The following SPIN1 variants were observed in gnomAD, a reference collection of about 807,000 sequenced individuals.
SPIN1 encodes the protein spindlin-1.
A neutral mutation model predicts 26.0 loss-of-function variants in SPIN1; 3 were observed. The observed-to-expected ratio is 0.12, with a 90% CI of 0.05 to 0.30. The LOEUF (loss-of-function observed/expected upper bound fraction) is 0.30, where lower values mean the gene tolerates loss of function less well. SPIN1 is among the 10% of genes least tolerant of loss of function. The pLI is 1.00. For missense variants in SPIN1, 126 were observed against 333.4 expected, an observed-to-expected ratio of 0.38 and a Z score of 4.84; for synonymous variants, 101 against 116.5, an observed-to-expected ratio of 0.87 and a Z score of 0.86.
intron 2 of SPIN1, among the ~76,000 whole-genome samples, chr9:88,433,193 C>T (rs1284081557): frequency 6.6e-6 from 1 of 152,308 alleles, no homozygotes; most frequent in Admixed American, 6.5e-5. Flanking sequence ...GATCCTCCCA[C>T]CTCAGCCTCC....
chr9:88,477,353 A>G lies in SPIN1; in HGVS notation c.*2076A>G, dbSNP rs945172304. 6.6e-5 allele frequency: 10 copies of G among 152,238 alleles called. No individual in the cohort carries two copies. Among genetic ancestry groups the G allele is most frequent in the East Asian group, 3.8e-4 (2 of 5,198 alleles). The allele number at this position is 152,238 out of a possible 1,614,324, so 9.4% of individuals were successfully genotyped here. On this transcript the variant is annotated 3_prime_UTR_variant, in exon 6 of 6. Transcript: ENST00000375859. The stretch of plus-strand genomic sequence containing the variant: ...TTGAAGTATCTTGAGGGTTGGGTCA[A>G]TTGAGACATTTCTAGCATTACTTAA...
chr9:88,468,239 C>G lies in SPIN1; in HGVS notation c.356-133C>G, dbSNP rs1031141993. The G allele has an allele frequency of 8.8e-6, 5 of 565,482 alleles. No homozygotes were observed. The African/African-American group carries it at 9.7e-5, about 11-fold the overall frequency. 35.0% of individuals were successfully genotyped at this position (565,482 alleles called of 1,614,324 possible). On this transcript the variant is annotated intron_variant, in intron 4 of 5. Coordinates refer to ENST00000375859, the MANE Select transcript of SPIN1 (RefSeq NM_006717.3). The stretch of plus-strand genomic sequence containing the variant: ...GGTTTTTGTACTTTTTAAAGCTTTC[C>G]CAGATTCTGATGCTTGCTAATACGT...
At chr9:88,413,260 G>T (rs151301479) in intron 1 of SPIN1, among the ~76,000 whole-genome samples, 2,927 of 151,428 alleles carry the variant, frequency 0.019, 67 homozygotes, top group African/African-American at 0.063. Context: ...ATTTCACCAT[G>T]TTGGCCAGGC....
At chr9:88,411,196 A>G (rs1252207845) in intron 1 of SPIN1, 11 of 1,283,466 alleles carry the variant, frequency 8.6e-6, no homozygotes, top group South Asian at 7.1e-5. Context: ...CTGTTGAGAC[A>G]GCTCTCTTTG....
At chr9:88,467,456 G>GGGC (rs1213970466) in intron 4 of SPIN1, among the ~76,000 whole-genome samples, 2 of 152,134 alleles carry the variant, frequency 1.3e-5, no homozygotes, top group Non-Finnish European at 2.9e-5. Context: ...GGGATTTGTG[G>GGGC]GGCTACCTTG....
chr9:88,408,388 T>C (rs1344658353), intron 1 of SPIN1, among the ~76,000 whole-genome samples: 6 of 146,932 alleles, frequency 4.1e-5, no homozygotes, highest in Non-Finnish European at 3.0e-5. Context: ...TTTTTTTTTT[T>C]TTTTTTTGAG....
At chr9:88,423,742 T>A (rs1163604413) in intron 1 of SPIN1, among the ~76,000 whole-genome samples, 5 of 148,270 alleles carry the variant, frequency 3.4e-5, no homozygotes, top group East Asian at 3.9e-4. Context: ...TTTTTTTTTT[T>A]AATAAAAAGC....
intron 3 of SPIN1, among the ~76,000 whole-genome samples, chr9:88,451,766 G>C (rs1338923261): frequency 6.6e-6 from 1 of 152,156 alleles, no homozygotes; most frequent in African/African-American, 2.4e-5. Context: ...TCACTGTGTT[G>C]GCCAGGCTGG....
At chr9:88,407,564 A>G (rs952992003) in intron 1 of SPIN1, among the ~76,000 whole-genome samples, 5 of 151,854 alleles carry the variant, frequency 3.3e-5, no homozygotes, top group Middle Eastern at 3.4e-3. Context: ...TAATCCCAGC[A>G]CTTTGGGAGG....
intron 1 of SPIN1, among the ~76,000 whole-genome samples, chr9:88,422,803 G>A (rs1324439356): frequency 6.6e-6 from 1 of 151,510 alleles, no homozygotes; most frequent in South Asian, 2.1e-4. Flanking sequence ...TCTGCCTCCC[G>A]GGTTCAGGCG....
At chr9:88,472,605 A>G (rs7036051) in intron 5 of SPIN1, among the ~76,000 whole-genome samples, 45,339 of 149,648 alleles carry the variant, frequency 0.3, 12,055 homozygotes, top group African/African-American at 0.72. Flanking sequence ...CAATTCGTCT[A>G]CCTCAGCCTC....
intron 1 of SPIN1, chr9:88,410,385 A>G (rs1827417101): frequency 1.4e-5 from 7 of 506,808 alleles, no homozygotes; most frequent in African/African-American, 1.9e-5. Context: ...GCCCATATAC[A>G]TGAGTATTTG....
At chr9:88,425,757 G>A (rs1293469578) in intron 1 of SPIN1, among the ~76,000 whole-genome samples, 1 of 152,010 alleles carries the variant, frequency 6.6e-6, no homozygotes, top group Admixed American at 6.6e-5. Context: ...AGGCTCCGCT[G>A]AAATTTCTCG....
intron 3 of SPIN1, chr9:88,457,854 C>CA (rs1828500885): frequency 1.0e-6 from 1 of 984,110 alleles, no homozygotes; most frequent in South Asian, 4.7e-5. Context: ...AAAAAGCAAC[C>CA]AAAAAACCTT....
intron 5 of SPIN1, among the ~76,000 whole-genome samples, chr9:88,471,594 G>T (rs1339213243): frequency 2.3e-5 from 3 of 133,102 alleles, no homozygotes; most frequent in African/African-American, 8.5e-5. Context: ...AGTGGATGTT[G>T]CAGTGAGCCA....
chr9:88,449,853 T>C (rs771818365), intron 3 of SPIN1, among the ~76,000 whole-genome samples: 5 of 152,126 alleles, frequency 3.3e-5, no homozygotes, highest in Non-Finnish European at 5.9e-5. Context: ...CCCCAAAATA[T>C]TTATATTGAA....
chr9:88,451,802 C>A (rs1828358484), intron 3 of SPIN1, among the ~76,000 whole-genome samples: 1 of 152,182 alleles, frequency 6.6e-6, no homozygotes, highest in Non-Finnish European at 1.5e-5. Flanking sequence ...TTCAAGTGAT[C>A]CACCTACCTC....
chr9:88,441,417 G>A (rs183871396), intron 2 of SPIN1, among the ~76,000 whole-genome samples: 9 of 148,970 alleles, frequency 6.0e-5, no homozygotes, highest in Non-Finnish European at 1.2e-4. Context: ...GTGTGTGTGC[G>A]CGCGCGCGCG....
chr9:88,436,254 A>G (rs1419682035), intron 2 of SPIN1, among the ~76,000 whole-genome samples: 1 of 152,182 alleles, frequency 6.6e-6, no homozygotes, highest in African/African-American at 2.4e-5. Context: ...AGTGTTGATG[A>G]CAGAAGAATA....
Sources: gnomAD v4.1 joint callset for allele counts (sites outside exome capture counted in the v4.1 genomes callset) on GRCh38, gnomAD v4.1.1 for gene constraint, MANE v1.5 for transcripts, NCBI Gene and HGNC (gene_info 2026-07-23, HGNC 2026-07-21) for gene names.